The following KCNJ3 variants were observed in gnomAD, a reference collection of about 807,000 sequenced individuals.
KCNJ3 encodes the protein potassium inwardly rectifying channel subfamily J member 3.
Under a neutral mutation model 39.2 loss-of-function variants are expected in KCNJ3, and 4 were observed. That is an observed-to-expected ratio of 0.10 (90% CI 0.05 to 0.23). KCNJ3 has a LOEUF of 0.23. KCNJ3 is among the 10% of genes least tolerant of loss of function. The pLI, the probability that KCNJ3 is intolerant of heterozygous loss-of-function variation, is 1.00. For missense variants in KCNJ3, 276 were observed against 634.9 expected (o/e 0.43, Z 6.08); for synonymous variants, 230 against 237.4 (o/e 0.97, Z 0.29).
intron 2 of KCNJ3, among the ~76,000 whole-genome samples, chr2:154,751,070 C>A (rs2121087): frequency 0.37 from 55,785 of 151,512 alleles, 10,936 homozygotes; most frequent in East Asian, 0.67. Flanking sequence ...GTGATGGGTG[C>A]ACCAAAATCT....
chr2:154,770,435 A>AT (rs5835542), intron 2 of KCNJ3, among the ~76,000 whole-genome samples: 38,959 of 147,512 alleles, frequency 0.26, 6,013 homozygotes, highest in East Asian at 0.47. Flanking sequence ...GAGAAATGGG[A>AT]TTTTTTTTTT....
intron 2 of KCNJ3, among the ~76,000 whole-genome samples, chr2:154,850,295 C>T (rs2105139152): frequency 6.6e-6 from 1 of 151,954 alleles, no homozygotes; most frequent in East Asian, 1.9e-4. Flanking sequence ...TGAATCTAAG[C>T]ATGGATTATT....
chr2:154,834,106 T>C (rs908967910), intron 2 of KCNJ3, among the ~76,000 whole-genome samples: 2 of 152,220 alleles, frequency 1.3e-5, no homozygotes, highest in African/African-American at 4.8e-5. Flanking sequence ...AGTTTTGTAA[T>C]AAACTGGCAA....
chr2:154,769,773 C>A (rs1360642666), intron 2 of KCNJ3, among the ~76,000 whole-genome samples: 1 of 152,032 alleles, frequency 6.6e-6, no homozygotes, highest in Non-Finnish European at 1.5e-5. Flanking sequence ...ACCAGGTCCT[C>A]TTTGTACCTC....
chr2:154,806,157 A>C (rs1686908273), intron 2 of KCNJ3, among the ~76,000 whole-genome samples: 2 of 152,148 alleles, frequency 1.3e-5, no homozygotes, highest in South Asian at 4.1e-4. Flanking sequence ...ATTTTACTCT[A>C]CTTGCAAGTG....
intron 2 of KCNJ3, among the ~76,000 whole-genome samples, chr2:154,750,564 A>G (rs929812483): frequency 2.0e-5 from 3 of 152,036 alleles, no homozygotes; most frequent in Non-Finnish European, 2.9e-5. Flanking sequence ...TTTTATTGCT[A>G]TCAGGCTAGC....
chr2:154,798,553 A>G (rs950731012), intron 2 of KCNJ3, among the ~76,000 whole-genome samples: 2 of 152,196 alleles, frequency 1.3e-5, no homozygotes, highest in African/African-American at 4.8e-5. Context: ...TGATTAACAT[A>G]GAATGGTTTT....
At chr2:154,831,657 T>C (rs1687365684) in intron 2 of KCNJ3, among the ~76,000 whole-genome samples, 1 of 152,156 alleles carries the variant, frequency 6.6e-6, no homozygotes, top group Non-Finnish European at 1.5e-5. Flanking sequence ...GCTCTCAGTG[T>C]TCATAAATAT....
intron 1 of KCNJ3, among the ~76,000 whole-genome samples, chr2:154,704,525 G>A (rs934968462): frequency 3.9e-5 from 6 of 152,048 alleles, no homozygotes; most frequent in Non-Finnish European, 7.4e-5. Context: ...TATTTTTGTG[G>A]GTTAATTGGC....
chr2:154,821,962 T>C (rs540645001), intron 2 of KCNJ3, among the ~76,000 whole-genome samples: 2 of 151,850 alleles, frequency 1.3e-5, no homozygotes, highest in East Asian at 1.9e-4. Context: ...TTTTTTTTTT[T>C]AAATGTGCAT....
At chr2:154,741,690 G>T (rs1685655991) in intron 2 of KCNJ3, among the ~76,000 whole-genome samples, 1 of 151,822 alleles carries the variant, frequency 6.6e-6, no homozygotes, top group Admixed American at 6.6e-5. Context: ...TATGATGGCA[G>T]ATTAAACATG....
Position 154,812,596 on chromosome 2 carries a change from C to T in KCNJ3, c.920-42131C>T, listed in dbSNP as rs961379138. Among the ~76,000 whole-genome samples, 49 of 152,034 alleles carry T rather than the reference C, an allele frequency of 3.2e-4. 1 individual carries two copies. Among genetic ancestry groups the T allele is most frequent in the Admixed American group, 2.8e-3 (43 of 15,244 alleles). ...GGAATTTCTTGTAGGACATTGATTT[C>T]GTCGTAAAGCAGTGGTTCTGATCTC... On this transcript the variant is annotated intron_variant, in intron 2 of 2. Coordinates refer to ENST00000295101, the MANE Select transcript of KCNJ3 (RefSeq NM_002239.4).
chr2:154,809,999 C>T (rs1054839735), intron 2 of KCNJ3, among the ~76,000 whole-genome samples: 18 of 152,116 alleles, frequency 1.2e-4, no homozygotes, highest in Non-Finnish European at 2.5e-4. Context: ...TTCAGTATCA[C>T]ATATATGGAA....
At chr2:154,726,835 A>ACACCCC (rs1553455093) in intron 2 of KCNJ3, among the ~76,000 whole-genome samples, 1 of 98,186 alleles carries the variant, frequency 1.0e-5, no homozygotes, top group Non-Finnish European at 2.7e-5. Flanking sequence ...ACACACACAC[A>ACACCCC]TACACCATGG....
chr2:154,709,750 T>A lies in KCNJ3; in HGVS notation c.850T>A (p.Ser284Thr). 6.2e-7 allele frequency: 1 copy of A among 1,613,908 alleles called. No homozygotes were observed. Among genetic ancestry groups the A allele is most frequent in the Non-Finnish European group, 8.5e-7 (1 of 1,179,914 alleles). The change falls in exon 2 of 3, where the codon TCC (serine) becomes ACC (threonine). Residue 284 changes from serine (S) to threonine (T), a missense_variant. Physicochemically the swap from Ser to Thr is moderately conservative, Grantham distance 58 (BLOSUM62 1). This residue lies in a region of KCNJ3 where 77 missense variants were observed against 200.0 expected (regional missense o/e 0.38). Transcript: ENST00000295101. ...TGCCAAAAGCCCCTTTTATGACCTATCCCAGCGAAGCATGCAAACTGAACA... is the reference window on the plus strand; with the variant it reads ...TGCCAAAAGCCCCTTTTATGACCTAACCCAGCGAAGCATGCAAACTGAACA... ...IDAKSPFYDLSQRSMQTEQFE... is the reference protein window; with the variant it reads ...IDAKSPFYDLTQRSMQTEQFE...
chr2:154,779,490 A>T (rs1686397586), intron 2 of KCNJ3, among the ~76,000 whole-genome samples: 1 of 146,458 alleles, frequency 6.8e-6, no homozygotes, highest in East Asian at 2.0e-4. Flanking sequence ...TATATATGTT[A>T]TATATATTTT....
At chr2:154,711,485 A>C (rs1685101496) in intron 2 of KCNJ3, among the ~76,000 whole-genome samples, 1 of 152,222 alleles carries the variant, frequency 6.6e-6, no homozygotes, top group South Asian at 2.1e-4. Context: ...CTATCTACTT[A>C]TCTATCTAGC....
intron 2 of KCNJ3, among the ~76,000 whole-genome samples, chr2:154,730,670 A>C (rs1467925364): frequency 6.6e-6 from 1 of 152,096 alleles, no homozygotes; most frequent in African/African-American, 2.4e-5. Flanking sequence ...AATTTTGCAA[A>C]TATAAACATT....
At chr2:154,716,256 C>T (rs1259583051) in intron 2 of KCNJ3, among the ~76,000 whole-genome samples, 1 of 148,594 alleles carries the variant, frequency 6.7e-6, no homozygotes, top group African/African-American at 2.5e-5. Flanking sequence ...ACTACAGGTG[C>T]CTGCCACCAC....
Sources: gnomAD v4.1 joint callset for allele counts (sites outside exome capture counted in the v4.1 genomes callset) on GRCh38, gnomAD v4.1.1 for gene constraint, gnomAD v4.1.1 regional missense constraint, MANE v1.5 for transcripts, NCBI Gene and HGNC (gene_info 2026-07-23, HGNC 2026-07-21) for gene names.